GAS7: variants seen among roughly 807,000 people sequenced by gnomAD.
The protein encoded by GAS7 is growth arrest specific 7, also known as growth arrest-specific protein 7.
In GAS7, 28 loss-of-function variants were observed where a neutral mutation model predicts 71.1. The ratio of observed to expected loss-of-function variants is 0.39; its 90% confidence interval spans 0.29 to 0.54. The LOEUF (loss-of-function observed/expected upper bound fraction) is 0.54. Among genes scored for constraint, GAS7 ranks in the 20% least tolerant of loss-of-function variants. GAS7 has a pLI of 0.62. For synonymous variants in GAS7, 258 were observed against 245.8 expected (o/e 1.05, Z -0.46); for missense variants, 436 against 627.8 (o/e 0.69, Z 3.27).
At chr17:10,067,849 T>C (rs548112403) in intron 1 of GAS7, among the ~76,000 whole-genome samples, 31 of 152,196 alleles carry the variant, frequency 2.0e-4, no homozygotes, top group African/African-American at 7.5e-4. Context: ...CCGGGAGAAA[T>C]AGATTCATAC....
chr17:10,046,815 AGG>A (rs2072971721), intron 1 of GAS7, among the ~76,000 whole-genome samples: 1 of 130,492 alleles, frequency 7.7e-6, no homozygotes, highest in South Asian at 2.4e-4. Context: ...GAAGGAAGGA[AGG>A]AAGGAAGGAA....
chr17:9,942,035 C>G (rs938011816), intron 7 of GAS7, among the ~76,000 whole-genome samples: 4 of 152,106 alleles, frequency 2.6e-5, no homozygotes, highest in African/African-American at 9.7e-5. Context: ...GGCAGATTAC[C>G]TGAGGTCAGG....
At chr17:9,943,679 C>T (rs1178839298) in intron 6 of GAS7, among the ~76,000 whole-genome samples, 1 of 152,194 alleles carries the variant, frequency 6.6e-6, no homozygotes, top group African/African-American at 2.4e-5. Context: ...CTTCTACCAA[C>T]TTCTTACACT....
At chr17:10,186,863 G>C (rs893403598) in intron 1 of GAS7, among the ~76,000 whole-genome samples, 1 of 151,794 alleles carries the variant, frequency 6.6e-6, no homozygotes, top group Admixed American at 6.6e-5. Flanking sequence ...ACTCCAGCCC[G>C]AGCGACAGAA....
Position 9,949,440 on chromosome 17 carries a change from A to G in GAS7, c.526-2457T>C, listed in dbSNP as rs184743579. On this transcript the variant is annotated intron_variant, in intron 5 of 13. Transcript: ENST00000432992. ...AGGCCCAACAAACTCTTCTGTCAGC[A>G]AAGTCAGGCCCATGGACCTCCCGTT... Among the ~76,000 whole-genome samples, 402 of 152,344 alleles carry G rather than the reference A, an allele frequency of 2.6e-3. 1 individual carries two copies. The highest frequency in any genetic ancestry group is 4.5e-3 in the Non-Finnish European group (309 of 68,026).
chr17:10,081,111 T>G, intron 1 of GAS7, among the ~76,000 whole-genome samples: 1 of 152,226 alleles, frequency 6.6e-6, no homozygotes, highest in East Asian at 1.9e-4. Flanking sequence ...ACAAAAATCT[T>G]TAAAACTTTC....
rs2073866014 is a variant in GAS7, at chr17:10,116,888, GA to G, written c.183+81319del. Among the ~76,000 whole-genome samples the G allele has an allele frequency of 3.3e-5, 5 of 151,968 alleles. No homozygotes were observed. In the South Asian group the frequency reaches 1.0e-3, roughly 32 times the overall value. ...GTTTTGCTGGAAGGTGATAAATGAT[GA>G]GGGGGGGAAAAGAAAAAACAGAGCA... On this transcript the variant is annotated intron_variant, in intron 1 of 13. Coordinates refer to ENST00000432992, the MANE Select transcript of GAS7 (RefSeq NM_201433.2).
At chr17:9,997,704 T>A (rs2071102542) in intron 2 of GAS7, among the ~76,000 whole-genome samples, 1 of 152,240 alleles carries the variant, frequency 6.6e-6, no homozygotes, top group African/African-American at 2.4e-5. Context: ...CAGCAGGTTG[T>A]CACCTACACA....
chr17:9,955,399 T>G (rs544342411), intron 5 of GAS7, among the ~76,000 whole-genome samples: 4 of 152,354 alleles, frequency 2.6e-5, no homozygotes, highest in African/African-American at 9.6e-5. Context: ...ACTTTCTGTT[T>G]GTTCAACAAA....
At position 10,198,460 on chromosome 17, in the gene GAS7, G is replaced by C; in HGVS notation, c.-70C>G. On this transcript the variant is annotated 5_prime_UTR_variant, in exon 1 of 14. Coordinates refer to ENST00000432992, the MANE Select transcript of GAS7 (RefSeq NM_201433.2). Reference sequence around the variant, plus strand: ...GCCCCACGGGCTGGGCAGCGGCTCCGCGGGGTCCCAGGCGCCCGGCGCTCC... The same window carrying C: ...GCCCCACGGGCTGGGCAGCGGCTCCCCGGGGTCCCAGGCGCCCGGCGCTCC... The C allele has an allele frequency of 8.2e-7, 1 of 1,219,804 alleles. No individual in the cohort carries two copies. The highest frequency in any genetic ancestry group is 1.1e-6 in the Non-Finnish European group (1 of 937,606). The allele number at this position is 1,219,804 out of a possible 1,614,324, so 75.6% of individuals were successfully genotyped here.
At chr17:9,921,457 G>A (rs62064498) in intron 11 of GAS7, among the ~76,000 whole-genome samples, 34,685 of 152,074 alleles carry the variant, frequency 0.23, 4,315 homozygotes, top group Non-Finnish European at 0.29. Context: ...CCTGGCCGAG[G>A]AGGAGGGCGG....
At chr17:10,018,547 G>T (rs1294670051) in intron 2 of GAS7, among the ~76,000 whole-genome samples, 1 of 152,164 alleles carries the variant, frequency 6.6e-6, no homozygotes, top group Non-Finnish European at 1.5e-5. Flanking sequence ...TTGTTTTGAG[G>T]AAGTGTAAGA....
At chr17:10,008,785 T>TCA (rs1333153743) in intron 2 of GAS7, among the ~76,000 whole-genome samples, 137 of 151,534 alleles carry the variant, frequency 9.0e-4, no homozygotes, top group African/African-American at 3.1e-3. Context: ...TCTCTCTCTC[T>TCA]CACACACACA....
intron 2 of GAS7, among the ~76,000 whole-genome samples, chr17:9,982,824 GGAAAGAAAGAAAGAAAGAAAGAAAGAAA>G (rs56351503): frequency 8.6e-6 from 1 of 116,184 alleles, no homozygotes; most frequent in African/African-American, 4.0e-5. Flanking sequence ...AGGAAAGAAA[GGAAAGAAAGAAAGAAAGAAAGAAAGAAA>G]GAAAGAAAGA....
intron 1 of GAS7, among the ~76,000 whole-genome samples, chr17:10,182,513 A>G (rs73279989): frequency 0.17 from 25,493 of 152,142 alleles, 2,339 homozygotes; most frequent in East Asian, 0.25. Context: ...TAACTCTTGA[A>G]TTATTTCCTG....
chr17:9,999,441 TG>T (rs990630603), intron 2 of GAS7, among the ~76,000 whole-genome samples: 1 of 151,684 alleles, frequency 6.6e-6, no homozygotes, highest in African/African-American at 2.4e-5. Flanking sequence ...TTGCTTGAAC[TG>T]GGGAGGCAGA....
intron 1 of GAS7, among the ~76,000 whole-genome samples, chr17:10,195,097 T>C (rs1339644108): frequency 6.6e-6 from 1 of 152,132 alleles, no homozygotes; most frequent in Non-Finnish European, 1.5e-5. Flanking sequence ...ACCAGAGACC[T>C]CTACACTTCC....
intron 9 of GAS7, among the ~76,000 whole-genome samples, chr17:9,930,914 T>G (rs2068186278): frequency 6.6e-6 from 1 of 152,234 alleles, no homozygotes. Flanking sequence ...AAGTCTGTTT[T>G]GCATGACGGG....
At chr17:10,072,902 G>T (rs1032532841) in intron 1 of GAS7, among the ~76,000 whole-genome samples, 1 of 151,756 alleles carries the variant, frequency 6.6e-6, no homozygotes, top group African/African-American at 2.4e-5. Context: ...AAAAAAAAAA[G>T]AAAACAAAAA....
Sources: gnomAD v4.1 joint callset for allele counts (sites outside exome capture counted in the v4.1 genomes callset) on GRCh38, gnomAD v4.1.1 for gene constraint, MANE v1.5 for transcripts, NCBI Gene and HGNC (gene_info 2026-07-23, HGNC 2026-07-21) for gene names.